Variants in CNTNAP3B observed in about 807,000 individuals in gnomAD.
CNTNAP3B encodes contactin associated protein family member 3B.
Under a neutral mutation model 108.9 loss-of-function variants are expected in CNTNAP3B, and 25 were observed. The observed-to-expected ratio is 0.23, with a 90% CI of 0.17 to 0.32. The LOEUF (loss-of-function observed/expected upper bound fraction) is 0.32. Ranked by LOEUF, CNTNAP3B falls within the 10% of genes least tolerant of loss-of-function variation. CNTNAP3B has a pLI of 1.00. For missense variants in CNTNAP3B, 252 were observed against 1,210.4 expected (o/e 0.21, Z 11.75); for synonymous variants, 103 against 473.4 (o/e 0.22, Z 10.16).
intron 8 of CNTNAP3B, among the ~76,000 whole-genome samples, chr9:41,989,297 CA>C (rs1275026115): frequency 6.6e-5 from 1 of 15,214 alleles, no homozygotes; most frequent in Non-Finnish European, 1.2e-4. Context: ...TTGAAATGGG[CA>C]AAGGAGATTA....
chr9:42,067,953 A>G (rs1827309956), intron 3 of CNTNAP3B, among the ~76,000 whole-genome samples: 1 of 134,684 alleles, frequency 7.4e-6, no homozygotes, highest in African/African-American at 3.0e-5. Context: ...CTAATTATAT[A>G]GAGGATTATA....
chr9:42,064,139 C>T (rs1370312821), intron 3 of CNTNAP3B, among the ~76,000 whole-genome samples: 1 of 145,570 alleles, frequency 6.9e-6, no homozygotes, highest in African/African-American at 2.6e-5. Context: ...CATTTCTCAG[C>T]TCCAGAATTT....
intron 14 of CNTNAP3B, among the ~76,000 whole-genome samples, chr9:41,937,535 T>TA (rs762044233): frequency 1.3e-4 from 18 of 142,698 alleles, no homozygotes; most frequent in African/African-American, 1.8e-4. Flanking sequence ...ATATTACAAA[T>TA]AAAAAAAAAG....
At chr9:42,082,815 T>C (rs1564191518) in intron 2 of CNTNAP3B, among the ~76,000 whole-genome samples, 2 of 140,766 alleles carry the variant, frequency 1.4e-5, no homozygotes, top group South Asian at 4.5e-4. Flanking sequence ...AAACAAATAG[T>C]AGATGTTAGA....
intron 7 of CNTNAP3B, chr9:41,994,490 G>A (rs866127109): frequency 0.05 from 840 of 16,698 alleles, 1 homozygote; most frequent in South Asian, 0.2. Flanking sequence ...AGGAAACTGC[G>A]CTCTGTGGAG....
chr9:41,950,642 A>T (rs1271600823), intron 13 of CNTNAP3B, among the ~76,000 whole-genome samples: 1 of 150,974 alleles, frequency 6.6e-6, no homozygotes, highest in Non-Finnish European at 1.5e-5. Flanking sequence ...AAGAGTACAT[A>T]CTATATAATT....
intron 1 of CNTNAP3B, among the ~76,000 whole-genome samples, chr9:42,122,574 T>C: frequency 7.5e-6 from 1 of 133,952 alleles, no homozygotes; most frequent in Non-Finnish European, 1.6e-5. Context: ...TATATTTATT[T>C]TCCCATTTGA....
chr9:41,931,987 G>A (rs1360613676), intron 14 of CNTNAP3B, among the ~76,000 whole-genome samples: 4 of 152,190 alleles, frequency 2.6e-5, no homozygotes, highest in African/African-American at 9.7e-5. Context: ...CTATAATAAA[G>A]TCTTGTTTTT....
At chr9:42,075,921 C>T (rs369778450) in intron 3 of CNTNAP3B, among the ~76,000 whole-genome samples, 4,482 of 123,784 alleles carry the variant, frequency 0.036, 10 homozygotes, top group South Asian at 0.075. Flanking sequence ...TGCAATGGTG[C>T]GATCTCTGCT....
At position 41,953,321 on chromosome 9, in the gene CNTNAP3B, T is replaced by TG. The variant is rs1186549775; in HGVS notation, c.1941dup (p.Ser648GlnfsTer60). On this transcript the variant is annotated frameshift_variant, in exon 13 of 24. Transcript: ENST00000377561. LOFTEE classifies it high-confidence loss of function. ...GACACAGCCGAGAGCGGGTGCCCGC[T>TG]GGGGGCACCTCGGAGGGTCACCGCG... 25 of 1,545,706 alleles carry TG rather than the reference T, an allele frequency of 1.6e-5. No homozygotes were observed. Among genetic ancestry groups the TG allele is most frequent in the Non-Finnish European group, 2.2e-5 (25 of 1,153,266 alleles).
At chr9:41,957,787 A>T (rs1284803890) in intron 12 of CNTNAP3B, among the ~76,000 whole-genome samples, 2 of 152,212 alleles carry the variant, frequency 1.3e-5, no homozygotes, top group African/African-American at 4.8e-5. Flanking sequence ...TTGAGACAAA[A>T]TCTCGCTCTG....
chr9:42,058,156 A>G (rs1827112365), intron 3 of CNTNAP3B, among the ~76,000 whole-genome samples: 2 of 146,048 alleles, frequency 1.4e-5, no homozygotes, highest in Admixed American at 1.4e-4. Context: ...GCTATTATGA[A>G]TAATACTGCA....
At chr9:41,940,839 C>T (rs1039888691) in intron 13 of CNTNAP3B, among the ~76,000 whole-genome samples, 19 of 152,316 alleles carry the variant, frequency 1.2e-4, no homozygotes, top group Admixed American at 4.6e-4. Flanking sequence ...CAACAAAAAA[C>T]CTTTTTAACA....
rs1161751748 is a variant in CNTNAP3B at position 41,917,905 on chromosome 9, A to T, written c.2995+2165T>A. Among the ~76,000 whole-genome samples, 56 of 152,224 alleles carry T rather than the reference A, an allele frequency of 3.7e-4. No homozygotes were observed. The East Asian group carries it at 6.3e-3, about 17-fold the overall frequency. ...ATAGAGTGGAGCTTCCGTCATACTG[A>T]GCTAGGGATGGGGAGGTGCAGGGAG... is the stretch of plus-strand genomic sequence containing the variant. On this transcript the variant is annotated intron_variant, in intron 18 of 23. Coordinates refer to ENST00000377561, the MANE Select transcript of CNTNAP3B (RefSeq NM_001201380.3).
At chr9:41,990,178 T>C (rs186055962) in intron 8 of CNTNAP3B, among the ~76,000 whole-genome samples, 3,083 of 136,830 alleles carry the variant, frequency 0.023, 119 homozygotes, top group Middle Eastern at 0.035. Context: ...CTTGTGAAAC[T>C]GATTCACTAT....
intron 15 of CNTNAP3B, among the ~76,000 whole-genome samples, chr9:41,928,054 CAG>C (rs1194053774): frequency 3.9e-5 from 6 of 152,138 alleles, no homozygotes; most frequent in African/African-American, 1.2e-4. Flanking sequence ...AAAAAAATAA[CAG>C]AATAATTAAC....
chr9:42,101,996 G>T (rs1475692944), intron 2 of CNTNAP3B, among the ~76,000 whole-genome samples: 1 of 82,376 alleles, frequency 1.2e-5, no homozygotes, highest in East Asian at 6.2e-4. Context: ...GGCGGAGCTT[G>T]CAGTGAGCCG....
At chr9:41,920,593 T>C (rs1258249870) in intron 17 of CNTNAP3B, among the ~76,000 whole-genome samples, 2 of 152,296 alleles carry the variant, frequency 1.3e-5, no homozygotes, top group Non-Finnish European at 2.9e-5. Context: ...TTCACTTTAG[T>C]TCCTTTACAA....
chr9:41,935,700 A>G (rs1824136319), intron 14 of CNTNAP3B, among the ~76,000 whole-genome samples: 1 of 152,280 alleles, frequency 6.6e-6, no homozygotes, highest in African/African-American at 2.4e-5. Flanking sequence ...TGTTGGATAG[A>G]CCTGTCTACT....
Sources: allele counts gnomAD v4.1 joint callset (sites outside exome capture counted in the v4.1 genomes callset), GRCh38; gene constraint gnomAD v4.1.1; transcripts MANE v1.5; gene names NCBI Gene and HGNC (gene_info 2026-07-23, HGNC 2026-07-21).